Variants in MMD observed in about 807,000 individuals in gnomAD.
MMD encodes monocyte to macrophage differentiation factor.
MMD carries 22 observed loss-of-function variants against 33.6 expected under a neutral mutation model. The ratio of observed to expected loss-of-function variants is 0.66; its 90% CI spans 0.47 to 0.94. The LOEUF is 0.94. MMD is among the 40% of genes least tolerant of loss of function. The pLI is 0.00. For missense variants in MMD, 242 were observed against 309.8 expected, an observed-to-expected ratio of 0.78 and a Z score of 1.64; for synonymous variants, 97 against 103.2, an observed-to-expected ratio of 0.94 and a Z score of 0.36.
chr17:55,404,007 G>A (rs1027715799), intron 4 of MMD, 139 bp from the exon 5 acceptor site: 1 of 642,274 alleles, frequency 1.6e-6, no homozygotes, highest in South Asian at 2.3e-5. Context: ...AGGCATTTGG[G>A]CAATTTAGGT....
chr17:55,395,150 A>G (rs1277863352), intron 6 of MMD, among the ~76,000 whole-genome samples: 1 of 152,208 alleles, frequency 6.6e-6, no homozygotes, highest in Non-Finnish European at 1.5e-5. Flanking sequence ...TTTGTATTCG[A>G]GCCTGGCCAT....
At chr17:55,406,147 C>T (rs1411248756) in intron 4 of MMD, among the ~76,000 whole-genome samples, 1 of 152,182 alleles carries the variant, frequency 6.6e-6, no homozygotes. Flanking sequence ...GTAATCCCAG[C>T]ACTTTGGGAG....
At chr17:55,414,373 C>A in intron 1 of MMD, 141 bp from the exon 2 acceptor site, 1 of 735,416 alleles carries the variant, frequency 1.4e-6, no homozygotes, top group Non-Finnish European at 2.3e-6. Context: ...AAAGCCAAAG[C>A]CACTAAAGAG....
intron 3 of MMD, among the ~76,000 whole-genome samples, chr17:55,411,000 G>T (rs1907738492): frequency 6.6e-6 from 1 of 152,220 alleles, no homozygotes; most frequent in South Asian, 2.1e-4. Flanking sequence ...TAAGTGGTAA[G>T]TCCTGGGGAA....
chr17:55,393,729 A>C lies in MMD; in HGVS notation c.*605T>G, dbSNP rs1265624050. 1 of 152,630 alleles carries C rather than the reference A, an allele frequency of 6.6e-6. No homozygotes were observed. Among genetic ancestry groups the C allele is most frequent in the Non-Finnish European group, 1.5e-5 (1 of 68,036 alleles). 9.5% of individuals were successfully genotyped at this position (152,630 alleles called of 1,614,324 possible). A position where few individuals can be genotyped will look rare whatever the true frequency, so the allele number is the denominator to read the frequency against. On this transcript the variant is annotated 3_prime_UTR_variant, in exon 7 of 7. Transcript: ENST00000262065. ...CCATGCTTAATAAAACTATCAGAAG[A>C]GGTATAATGTTTGTTCGTTTGTGGA...
intron 2 of MMD, among the ~76,000 whole-genome samples, chr17:55,412,406 A>G (rs1011435566): frequency 3.9e-5 from 6 of 152,176 alleles, no homozygotes; most frequent in African/African-American, 1.4e-4. Flanking sequence ...AATCTTGAGA[A>G]TTTTAGAGAG....
At chr17:55,403,899 G>T in intron 4 of MMD, 31 bp from the exon 5 acceptor site, 1 of 1,518,620 alleles carries the variant, frequency 6.6e-7, no homozygotes, top group Non-Finnish European at 9.1e-7. Context: ...ACAAAGAACA[G>T]AAGTGATAAA....
chr17:55,404,065 C>A (rs1485828279), intron 4 of MMD, among the ~76,000 whole-genome samples, 197 bp from the exon 5 acceptor site: 3 of 152,122 alleles, frequency 2.0e-5, no homozygotes, highest in Non-Finnish European at 4.4e-5. Flanking sequence ...CTTTAAGACT[C>A]AGAATTAGGC....
At chr17:55,415,325 C>A (rs1438668635) in intron 1 of MMD, among the ~76,000 whole-genome samples, 1 of 151,902 alleles carries the variant, frequency 6.6e-6, no homozygotes, top group African/African-American at 2.4e-5. Context: ...AGGTCCACTG[C>A]ACTCCTGTGC....
intron 3 of MMD, among the ~76,000 whole-genome samples, chr17:55,409,310 G>C (rs1772307613): frequency 6.6e-6 from 1 of 152,186 alleles, no homozygotes; most frequent in Non-Finnish European, 1.5e-5. Context: ...GAGGGTGGAG[G>C]AAGGAGAATA....
At chr17:55,395,789 C>T (rs1000839742) in intron 6 of MMD, among the ~76,000 whole-genome samples, 1 of 152,186 alleles carries the variant, frequency 6.6e-6, no homozygotes, top group Non-Finnish European at 1.5e-5. Context: ...CAAAATACCA[C>T]ACGTTATTAA....
At chr17:55,410,533 G>A (rs113845145) in intron 3 of MMD, among the ~76,000 whole-genome samples, 4 of 152,264 alleles carry the variant, frequency 2.6e-5, no homozygotes, top group South Asian at 2.1e-4. Context: ...GGAGGAAAGC[G>A]TTTACGTTCT....
intron 5 of MMD, among the ~76,000 whole-genome samples, chr17:55,402,585 T>A (rs538356211): frequency 1.3e-5 from 2 of 152,360 alleles, no homozygotes; most frequent in East Asian, 3.9e-4. Context: ...GGGTGACTCA[T>A]ACCTCATTCA....
chr17:55,394,355 C>A lies in MMD; in HGVS notation c.696G>T (p.Thr232=), dbSNP rs564700022. ...TTGGTCATAAATGCCGCATAAAGTC[C>A]GTAGGACTTCGGTAAAGGTATTTCC... ...AIWKYLYRSP[T]DFMRHL Residue 232 remains threonine, a synonymous_variant, in exon 7 of 7, where the codon ACG becomes ACT. Transcript: ENST00000262065. The A allele has an allele frequency of 3.6e-6, 5 of 1,401,408 alleles. No homozygotes were observed. The highest frequency in any genetic ancestry group is 4.7e-6 in the Non-Finnish European group (5 of 1,073,026). The allele number at this position is 1,401,408 out of a possible 1,614,324, so 86.8% of individuals were successfully genotyped here. A position where few individuals can be genotyped will look rare whatever the true frequency, so the allele number is the denominator to read the frequency against.
At position 55,407,759 on chromosome 17, in the gene MMD, A is replaced by C. The variant is rs1907612557; in HGVS notation, c.331T>G (p.Ser111Ala). ...RMVIYFFIAA[S>A]YAPWLNLREL... ...ACTGTATCTTACCATGGAGCATAAGAAGCAGCAATGAAGAAATAGATAACC... is the reference window on the plus strand; with the variant it reads ...ACTGTATCTTACCATGGAGCATAAGCAGCAGCAATGAAGAAATAGATAACC... Residue 111 changes from serine (S) to alanine (A), a missense_variant, in exon 4 of 7, where the codon TCT (serine) becomes GCT (alanine). Transcript: ENST00000262065. 1 of 1,602,630 alleles carries C rather than the reference A, an allele frequency of 6.2e-7. No homozygotes were observed. Among genetic ancestry groups the C allele is most frequent in the Admixed American group, 1.8e-5 (1 of 56,706 alleles).
intron 2 of MMD, among the ~76,000 whole-genome samples, chr17:55,413,862 G>A (rs778352703): frequency 3.2e-4 from 49 of 152,242 alleles, no homozygotes; most frequent in Middle Eastern, 6.8e-3. Flanking sequence ...TTCATAAATA[G>A]GTGTCTTTGG....
intron 3 of MMD, 151 bp from the exon 4 acceptor site, chr17:55,407,971 G>A (rs771366171): frequency 7.0e-6 from 4 of 573,530 alleles, no homozygotes; most frequent in Non-Finnish European, 1.2e-5. Context: ...TTTTGTTGCT[G>A]TTAATGTTAT....
At chr17:55,402,506 C>A (rs1448671145) in intron 5 of MMD, among the ~76,000 whole-genome samples, 1 of 152,204 alleles carries the variant, frequency 6.6e-6, no homozygotes, top group African/African-American at 2.4e-5. Context: ...ATGTTTTGAT[C>A]TGTAAATCCT....
rs922679677 is a variant in MMD, at chr17:55,393,824, T to G, written c.*510A>C. On this transcript the variant is annotated 3_prime_UTR_variant, in exon 7 of 7. Transcript: ENST00000262065. ...TGCAGAGATGCATATCAATGAAATA[T>G]TTTTTTAAAAATTTACAAAAAACTA... 6.6e-6 allele frequency: 1 copy of G among 152,630 alleles called. No homozygotes were observed. The highest frequency in any genetic ancestry group is 1.5e-5 in the Non-Finnish European group (1 of 68,044). The allele number at this position is 152,630 out of a possible 1,614,324, so 9.5% of individuals were successfully genotyped here. A position where few individuals can be genotyped will look rare whatever the true frequency, so the allele number is the denominator to read the frequency against.
Sources: gnomAD v4.1 joint callset for allele counts (sites outside exome capture counted in the v4.1 genomes callset) on GRCh38, gnomAD v4.1.1 for gene constraint, MANE v1.5 for transcripts, NCBI Gene and HGNC (gene_info 2026-07-23, HGNC 2026-07-21) for gene names.